Variants in CACNA1D observed in about 807,000 individuals in gnomAD.
CACNA1D encodes calcium voltage-gated channel subunit alpha1 D, also known as voltage-dependent L-type calcium channel subunit alpha-1D.
CACNA1D carries 55 observed loss-of-function variants against 257.1 expected under a neutral mutation model. The observed-to-expected ratio is 0.21, with a 90% CI of 0.17 to 0.27. The LOEUF is 0.27. CACNA1D is among the 10% of genes least tolerant of loss of function. CACNA1D has a pLI of 1.00. For missense variants in CACNA1D, 1,876 were observed against 2,784.0 expected, an observed-to-expected ratio of 0.67 and a Z score of 7.34; for synonymous variants, 980 against 1,014.9, an observed-to-expected ratio of 0.97 and a Z score of 0.65.
At chr3:53,654,589 T>C (rs1455691522) in intron 4 of CACNA1D, among the ~76,000 whole-genome samples, 1 of 152,122 alleles carries the variant, frequency 6.6e-6, no homozygotes, top group Non-Finnish European at 1.5e-5. Flanking sequence ...AGCCTTTTTT[T>C]CCCCCACCAT....
chr3:53,495,112 CTCAACG>C lies in CACNA1D; in HGVS notation c.-54_-49del. On this transcript the variant is annotated 5_prime_UTR_variant, in exon 1 of 48. Coordinates refer to ENST00000350061, the MANE Select transcript of CACNA1D (RefSeq NM_001128840.3). This position sits in a 1 kb window ranked among gnomAD's most constrained non-coding sequence, Gnocchi z 5.1. ...ATCCCCTTCCCCATTCCGCCCCCGC[CTCAACG>C]CCCAGCACAGTGCCCTGCACACAGT... is the stretch of plus-strand genomic sequence containing the variant. 7 of 1,431,692 alleles carry C rather than the reference CTCAACG, an allele frequency of 4.9e-6. No homozygotes were observed. The highest frequency in any genetic ancestry group is 6.9e-6 in the Non-Finnish European group (7 of 1,020,712). 88.7% of individuals were successfully genotyped at this position (1,431,692 alleles called of 1,614,324 possible). A position where few individuals can be genotyped will look rare whatever the true frequency, so the allele number is the denominator to read the frequency against.
chr3:53,718,825 A>G, intron 10 of CACNA1D: 2 of 1,190,946 alleles, frequency 1.7e-6, no homozygotes, highest in Non-Finnish European at 2.4e-6. Flanking sequence ...GCTGACTAGA[A>G]TGTGCTACGT....
rs115363940 is a variant in CACNA1D at position 53,548,632 on chromosome 3, C to T, written c.483+46912C>T. Among the ~76,000 whole-genome samples the T allele has an allele frequency of 7.0e-3, 1,060 of 152,192 alleles. 9 individuals are homozygous for T. Among genetic ancestry groups the T allele is most frequent in the African/African-American group, 0.025 (1,020 of 41,494 alleles). ...TCCTGTCCCATCTGGATCCCCCAAA[C>T]CCTGACCCCTCAGACTGTTAGGTAT... On this transcript the variant is annotated intron_variant, in intron 3 of 47. Transcript: ENST00000350061.
At chr3:53,629,331 A>T (rs2093796382) in intron 3 of CACNA1D, among the ~76,000 whole-genome samples, 1 of 152,240 alleles carries the variant, frequency 6.6e-6, no homozygotes, top group South Asian at 2.1e-4. Context: ...ACTAACCAGG[A>T]CAGAAGCCTA....
At chr3:53,533,429 G>C (rs1483182336) in intron 3 of CACNA1D, among the ~76,000 whole-genome samples, 2 of 152,152 alleles carry the variant, frequency 1.3e-5, no homozygotes, top group Non-Finnish European at 2.9e-5. Context: ...GTATTCTCTT[G>C]TATTATGTTA....
chr3:53,777,419 A>AT (rs2095403896), intron 37 of CACNA1D, among the ~76,000 whole-genome samples: 1 of 152,182 alleles, frequency 6.6e-6, no homozygotes, highest in Non-Finnish European at 1.5e-5. Context: ...TCAGGTTCCC[A>AT]TGTTAGGAAG....
chr3:53,511,273 A>G (rs2091096669), intron 3 of CACNA1D, among the ~76,000 whole-genome samples: 1 of 152,170 alleles, frequency 6.6e-6, no homozygotes, highest in Non-Finnish European at 1.5e-5. Flanking sequence ...ATGGAAGCAA[A>G]GTCTACTTGC....
intron 7 of CACNA1D, among the ~76,000 whole-genome samples, chr3:53,668,938 G>A (rs2094295979): frequency 6.6e-6 from 1 of 152,084 alleles, no homozygotes. Context: ...TTTTTAGCTT[G>A]AGGCCATATA....
At chr3:53,637,698 C>T (rs1388899139) in intron 3 of CACNA1D, among the ~76,000 whole-genome samples, 6 of 152,122 alleles carry the variant, frequency 3.9e-5, no homozygotes, top group Non-Finnish European at 8.8e-5. Context: ...CTTGGACTGG[C>T]AAGAGCAGGT....
chr3:53,770,656 C>T, intron 32 of CACNA1D, 104 bp downstream of exon 32: 1 of 1,029,370 alleles, frequency 9.7e-7, no homozygotes, highest in South Asian at 1.3e-5. Flanking sequence ...TGTGGCCACT[C>T]TGTGGACCTA....
At chr3:53,740,362 C>T (rs1456723684) in intron 21 of CACNA1D, 23 bp downstream of exon 21, 2 of 1,482,470 alleles carry the variant, frequency 1.3e-6, no homozygotes, top group Non-Finnish European at 9.4e-7. Flanking sequence ...CCTTGATCTT[C>T]ACATACTCCA....
intron 40 of CACNA1D, among the ~76,000 whole-genome samples, chr3:53,798,285 G>A (rs532819074): frequency 6.6e-6 from 1 of 151,206 alleles, no homozygotes; most frequent in African/African-American, 2.4e-5. Flanking sequence ...GATCCTGAGA[G>A]AGGGAAAGTG....
At chr3:53,603,009 C>T (rs549102435) in intron 3 of CACNA1D, among the ~76,000 whole-genome samples, 2 of 152,288 alleles carry the variant, frequency 1.3e-5, no homozygotes, top group Admixed American at 6.5e-5. Flanking sequence ...GATGCAGTTG[C>T]GTCACAGGAT....
Position 53,800,210 on chromosome 3 carries a change from T to C in CACNA1D, c.4924-39T>C, listed in dbSNP as rs377139887. The C allele has an allele frequency of 2.8e-5, 40 of 1,407,740 alleles. No individual in the cohort carries two copies. The highest frequency in any genetic ancestry group is 3.9e-5 in the Non-Finnish European group (39 of 991,498). The allele number at this position is 1,407,740 out of a possible 1,614,324, so 87.2% of individuals were successfully genotyped here. A position where few individuals can be genotyped will look rare whatever the true frequency, so the allele number is the denominator to read the frequency against. On this transcript the variant is annotated intron_variant, in intron 40 of 47. Transcript: ENST00000350061. This position sits in a 1 kb window ranked among gnomAD's most constrained non-coding sequence, Gnocchi z 4.3. ...GGACCCAGGCTGGCCCCAGGGCCCA[T>C]GTGTGGTCTAACCTGTTCTGCCATT...
At position 53,673,585 on chromosome 3, in the gene CACNA1D, A is replaced by AC; in HGVS notation, c.1220+461dup. On this transcript the variant is annotated intron_variant, in intron 8 of 47. Transcript: ENST00000350061. The surrounding 1 kb of genome is among the most constrained non-coding windows in gnomAD (Gnocchi z 4.1). ...CAGAAAAAAAAAAAAAAAGGGAAGGACCTAGGCCCAGTCCCTGTCCTAGGA... is the reference window on the plus strand; with the variant it reads ...CAGAAAAAAAAAAAAAAAGGGAAGGACCCTAGGCCCAGTCCCTGTCCTAGGA... The AC allele has an allele frequency of 1.4e-6, 1 of 734,282 alleles. No homozygotes were observed. The highest frequency in any genetic ancestry group is 2.0e-5 in the Admixed American group (1 of 49,504). The allele number at this position is 734,282 out of a possible 1,614,324, so 45.5% of individuals were successfully genotyped here. A position where few individuals can be genotyped will look rare whatever the true frequency, so the allele number is the denominator to read the frequency against.
chr3:53,718,479 C>T (rs556678086), intron 10 of CACNA1D, 91 bp downstream of exon 10: 26 of 1,170,636 alleles, frequency 2.2e-5, no homozygotes, highest in East Asian at 4.9e-5. Context: ...AGCAGAGCCC[C>T]GGGCCATCGC....
chr3:53,581,215 T>C (rs2093127194), intron 3 of CACNA1D, among the ~76,000 whole-genome samples: 1 of 152,244 alleles, frequency 6.6e-6, no homozygotes, highest in Non-Finnish European at 1.5e-5. Context: ...GATCCCCATG[T>C]TTGATGTGTG....
rs1576628159 is a variant in CACNA1D at position 53,774,775 on chromosome 3, C to T, written c.4202+97C>T. 1.3e-6 allele frequency: 1 copy of T among 747,824 alleles called. No individual in the cohort carries two copies. The highest frequency in any genetic ancestry group is 2.5e-5 in the East Asian group (1 of 40,610). 46.3% of individuals were successfully genotyped at this position (747,824 alleles called of 1,614,324 possible). The stretch of plus-strand genomic sequence containing the variant: ...GACACAGGTTATTAAAGCAGTGTGC[C>T]TTTCTCAGTTGATTGTGATGGCTTT... On this transcript the variant is annotated intron_variant, in intron 34 of 47. Transcript: ENST00000350061. The surrounding 1 kb of genome is among the most constrained non-coding windows in gnomAD (Gnocchi z 4.3).
intron 3 of CACNA1D, among the ~76,000 whole-genome samples, chr3:53,630,899 C>G (rs1206728926): frequency 1.3e-5 from 2 of 152,140 alleles, no homozygotes; most frequent in Non-Finnish European, 2.9e-5. Flanking sequence ...CTATACTATA[C>G]TGTAGTCTGT....
Sources: allele counts gnomAD v4.1 joint callset (sites outside exome capture counted in the v4.1 genomes callset), GRCh38; gene constraint gnomAD v4.1.1; non-coding constraint Gnocchi (gnomAD v3.1); transcripts MANE v1.5; gene names NCBI Gene and HGNC (gene_info 2026-07-23, HGNC 2026-07-21).